Variants in MGAT4D observed in about 807,000 individuals in gnomAD.
The protein encoded by MGAT4D is alpha-1,3-mannosyl-glycoprotein 4-beta-N-acetylglucosaminyltransferase-like protein MGAT4D.
Under a neutral mutation model 15.9 loss-of-function variants are expected in MGAT4D, and 34 were observed. The observed-to-expected ratio is 2.14, with a 90% CI of 1.62 to 2.84. The LOEUF is 2.84. MGAT4D is among the 30% of genes most tolerant of loss of function. The probability of loss-of-function intolerance (pLI) is 0.00; values close to 1 mark genes in which losing one functional copy is unlikely to be tolerated. For missense variants in MGAT4D, 327 were observed against 140.2 expected, an observed-to-expected ratio of 2.33 and a Z score of -6.73; for synonymous variants, 112 against 48.2, an observed-to-expected ratio of 2.33 and a Z score of -5.49.
intron 10 of MGAT4D, among the ~76,000 whole-genome samples, chr4:140,447,326 T>C (rs150486845): frequency 1.5e-3 from 224 of 152,298 alleles, no homozygotes; most frequent in Middle Eastern, 3.4e-3. Context: ...TCCACTATTA[T>C]GTATGGCAGT....
At chr4:140,492,967 T>C (rs572421051) in intron 1 of MGAT4D, among the ~76,000 whole-genome samples, 1 of 152,340 alleles carries the variant, frequency 6.6e-6, no homozygotes, top group East Asian at 1.9e-4. Context: ...TATCCCAAGT[T>C]GAACTTTTTC....
At chr4:140,466,894 C>A (rs768215780) in intron 5 of MGAT4D, among the ~76,000 whole-genome samples, 2 of 151,988 alleles carry the variant, frequency 1.3e-5, no homozygotes, top group Admixed American at 1.3e-4. Context: ...TGTGCTAGAG[C>A]GAATATGGGT....
intron 3 of MGAT4D, among the ~76,000 whole-genome samples, chr4:140,478,763 CT>C (rs5862479): frequency 0.26 from 36,966 of 144,552 alleles, 4,707 homozygotes; most frequent in East Asian, 0.49. Flanking sequence ...GGTCAGCAAA[CT>C]TTTTTTTTTT....
At chr4:140,475,518 G>A (rs1304216558) in intron 3 of MGAT4D, among the ~76,000 whole-genome samples, 1 of 151,914 alleles carries the variant, frequency 6.6e-6, no homozygotes, top group African/African-American at 2.4e-5. Flanking sequence ...TAACTATACT[G>A]GTACCTGGCC....
intron 1 of MGAT4D, among the ~76,000 whole-genome samples, chr4:140,493,201 G>A (rs17389716): frequency 1.3e-5 from 2 of 151,552 alleles, no homozygotes; most frequent in Non-Finnish European, 2.9e-5. Flanking sequence ...CCGATGCCTC[G>A]GCTACCACCT....
intron 8 of MGAT4D, 49 bp from the exon 9 acceptor site, chr4:140,456,768 C>A (rs147066931): frequency 8.7e-6 from 5 of 577,300 alleles, no homozygotes; most frequent in South Asian, 6.7e-5. Flanking sequence ...TGTAGTTGTT[C>A]ATTCCTTTAA....
chr4:140,484,868 G>C (rs935809605), intron 1 of MGAT4D, among the ~76,000 whole-genome samples: 1 of 152,216 alleles, frequency 6.6e-6, no homozygotes, highest in African/African-American at 2.4e-5. Context: ...TTTCACACCA[G>C]TTAGAATGGC....
chr4:140,474,809 G>A lies in MGAT4D; in HGVS notation c.525+4C>T, dbSNP rs1296762523. 7 of 666,952 alleles carry A rather than the reference G, an allele frequency of 1.0e-5. No individual in the cohort carries two copies. The highest frequency in any genetic ancestry group is 2.8e-5 in the East Asian group (1 of 35,418). The allele number at this position is 666,952 out of a possible 1,614,324, so 41.3% of individuals were successfully genotyped here. On this transcript the variant is annotated splice_donor_region_variant and intron_variant, in intron 4 of 10. Coordinates refer to ENST00000511113, the MANE Select transcript of MGAT4D (RefSeq NM_001277353.2). ...AAGGAGAGCTCCTTATTTTGTATAC[G>A]TACATCTGCAACCAAGACAATCACT... is the stretch of plus-strand genomic sequence containing the variant.
In MGAT4D at chr4:140,471,799, G is replaced by A; in HGVS notation, c.548C>T (p.Ser183Phe). Residue 183 changes from serine (S) to phenylalanine (F), a missense_variant, in exon 5 of 11, where the codon TCT becomes TTT. By Grantham distance (155) the Ser-to-Phe change is radical. Coordinates refer to ENST00000511113, the MANE Select transcript of MGAT4D (RefSeq NM_001277353.2). ...CTTTTTTGTAATCATTTTAACAACAGAATGTAAATAATCTTCATTACTCTA... is the reference window on the plus strand; with the variant it reads ...CTTTTTTGTAATCATTTTAACAACAAAATGTAAATAATCTTCATTACTCTA... ...VADSNEDYLH[S>F]VVKMITKKFK... The A allele has an allele frequency of 2.0e-6, 1 of 492,548 alleles. No homozygotes were observed. Among genetic ancestry groups the A allele is most frequent in the Admixed American group, 3.6e-5 (1 of 28,062 alleles). 30.5% of individuals were successfully genotyped at this position (492,548 alleles called of 1,614,324 possible).
intron 1 of MGAT4D, among the ~76,000 whole-genome samples, chr4:140,492,499 G>A (rs562382373): frequency 1.3e-4 from 20 of 152,218 alleles, no homozygotes; most frequent in African/African-American, 4.8e-4. Flanking sequence ...GTGGTGGCAC[G>A]CGCCTGTAGT....
chr4:140,447,912 C>A (rs145153425), intron 10 of MGAT4D, among the ~76,000 whole-genome samples: 63 of 152,302 alleles, frequency 4.1e-4, no homozygotes, highest in African/African-American at 1.4e-3. Context: ...GTAATGAATT[C>A]TCTCAGCATT....
chr4:140,467,244 G>C (rs1277373898), intron 5 of MGAT4D, among the ~76,000 whole-genome samples: 1 of 151,674 alleles, frequency 6.6e-6, no homozygotes, highest in Non-Finnish European at 1.5e-5. Flanking sequence ...AGAAAATACT[G>C]GCGTAGAAAA....
intron 1 of MGAT4D, among the ~76,000 whole-genome samples, chr4:140,489,724 T>C (rs1222813178): frequency 6.6e-6 from 1 of 152,222 alleles, no homozygotes; most frequent in Non-Finnish European, 1.5e-5. Flanking sequence ...AATGTTCCAA[T>C]GTACTGAATA....
intron 6 of MGAT4D, among the ~76,000 whole-genome samples, chr4:140,464,396 T>C (rs1731391277): frequency 6.6e-6 from 1 of 152,276 alleles, no homozygotes; most frequent in South Asian, 2.1e-4. Context: ...TAATGACTCT[T>C]CCAATTATGC....
At chr4:140,492,964 A>C (rs1044330560) in intron 1 of MGAT4D, among the ~76,000 whole-genome samples, 4 of 152,212 alleles carry the variant, frequency 2.6e-5, no homozygotes, top group Non-Finnish European at 5.9e-5. Context: ...TTATATCCCA[A>C]GTTGAACTTT....
chr4:140,459,362 A>G (rs1731013277), intron 8 of MGAT4D, 150 bp downstream of exon 8: 2 of 328,040 alleles, frequency 6.1e-6, no homozygotes, highest in Non-Finnish European at 1.1e-5. Context: ...AGGTACTTGC[A>G]TCTGATTATA....
At chr4:140,445,731 T>C (rs1178508942) in intron 10 of MGAT4D, among the ~76,000 whole-genome samples, 1 of 152,218 alleles carries the variant, frequency 6.6e-6, no homozygotes, top group African/African-American at 2.4e-5. Context: ...GTGTCCAGTT[T>C]CAATCTTCTG....
chr4:140,475,554 C>T (rs1428991515), intron 3 of MGAT4D, among the ~76,000 whole-genome samples: 1 of 150,754 alleles, frequency 6.6e-6, no homozygotes, highest in Non-Finnish European at 1.5e-5. Flanking sequence ...AGATACACAA[C>T]ATCTCCAGCC....
At chr4:140,481,622 C>T (rs1001622380) in intron 2 of MGAT4D, among the ~76,000 whole-genome samples, 27 of 152,168 alleles carry the variant, frequency 1.8e-4, no homozygotes. Flanking sequence ...CAACGAAATG[C>T]TACTCAGCAC....
Sources: allele counts gnomAD v4.1 joint callset (sites outside exome capture counted in the v4.1 genomes callset), GRCh38; gene constraint gnomAD v4.1.1; transcripts MANE v1.5; gene names NCBI Gene and HGNC (gene_info 2026-07-23, HGNC 2026-07-21).